NEBL: variants seen among roughly 807,000 people sequenced by gnomAD.
NEBL encodes LIM and SH3 protein 2.
A neutral mutation model predicts 140.2 loss-of-function variants in NEBL; 122 were observed. That is an observed-to-expected ratio of 0.87 (90% CI 0.75 to 1.01). NEBL has a LOEUF of 1.01. Among genes scored for constraint, NEBL ranks in the 50% least tolerant of loss-of-function variants. The pLI is 0.00. For synonymous variants in NEBL, 436 were observed against 398.9 expected (o/e 1.09, Z -1.11); for missense variants, 1,365 against 1,231.3 (o/e 1.11, Z -1.62).
chr10:20,995,667 C>A (rs569866198), intron 3 of NEBL, among the ~76,000 whole-genome samples: 10 of 152,278 alleles, frequency 6.6e-5, no homozygotes, highest in African/African-American at 2.2e-4. Flanking sequence ...TGCTAATAAA[C>A]CCTCCACATC....
At chr10:20,865,879 A>C (rs1844229080) in intron 7 of NEBL, among the ~76,000 whole-genome samples, 1 of 152,112 alleles carries the variant, frequency 6.6e-6, no homozygotes, top group South Asian at 2.1e-4. Flanking sequence ...CTTCATTTTC[A>C]TTCCTACTGT....
chr10:20,954,412 A>G (rs1564460521), intron 4 of NEBL, among the ~76,000 whole-genome samples: 1 of 152,216 alleles, frequency 6.6e-6, no homozygotes. Flanking sequence ...CATAGAGTTC[A>G]GTCTGAGGGT....
Position 20,868,735 on chromosome 10 carries a change from T to C in NEBL, c.613A>G (p.Asn205Asp). 2 of 1,611,840 alleles carry C rather than the reference T, an allele frequency of 1.2e-6. No homozygotes were observed. The highest frequency in any genetic ancestry group is 1.7e-6 in the Non-Finnish European group (2 of 1,178,086). The change falls in exon 7 of 28, where the codon AAT becomes GAT. Residue 205 changes from asparagine (N) to aspartate (D), a missense_variant. By Grantham distance (23) the Asn-to-Asp change is conservative (BLOSUM62 1). This residue lies in a region of NEBL where 1,323 missense variants were observed against 1,154.8 expected (regional missense o/e 1.15). Transcript: ENST00000377122. Reference sequence around the variant, plus strand: ...CTTCCAATTACAGCGGGCTCTTTATTCATTATTCCTTGTCCTTTCTTGTAT... The same window carrying C: ...CTTCCAATTACAGCGGGCTCTTTATCCATTATTCCTTGTCCTTTCTTGTAT... ...AEYKKGQGIM[N>D]KEPAVIGRPD...
At chr10:21,106,777 A>G (rs1375827724) in intron 2 of NEBL, among the ~76,000 whole-genome samples, 1 of 152,206 alleles carries the variant, frequency 6.6e-6, no homozygotes, top group Non-Finnish European at 1.5e-5. Context: ...TACCTTGGGC[A>G]GTATGGCCAT....
At chr10:20,856,915 A>G (rs1843136756) in intron 9 of NEBL, among the ~76,000 whole-genome samples, 1 of 151,998 alleles carries the variant, frequency 6.6e-6, no homozygotes, top group Non-Finnish European at 1.5e-5. Context: ...GCTCACAGCA[A>G]CCTCCCAAGT....
At chr10:21,110,848 A>G in intron 2 of NEBL, 1 of 615,374 alleles carries the variant, frequency 1.6e-6, no homozygotes, top group Non-Finnish European at 3.1e-6. Flanking sequence ...AGCAGAGGCA[A>G]TGAATTACAA....
intron 7 of NEBL, among the ~76,000 whole-genome samples, chr10:20,864,530 T>A (rs950832284): frequency 6.6e-6 from 1 of 152,156 alleles, no homozygotes; most frequent in African/African-American, 2.4e-5. Context: ...CACTCTCTGT[T>A]CCCATCCTTT....
intron 2 of NEBL, among the ~76,000 whole-genome samples, chr10:21,139,682 C>T (rs1389080339): frequency 6.6e-6 from 1 of 152,174 alleles, no homozygotes; most frequent in Non-Finnish European, 1.5e-5. Flanking sequence ...CACCTATTAG[C>T]ATGGTAACCT....
chr10:21,092,770 C>T (rs1420632377), intron 2 of NEBL, among the ~76,000 whole-genome samples: 5 of 152,080 alleles, frequency 3.3e-5, no homozygotes, highest in Non-Finnish European at 7.3e-5. Flanking sequence ...GGGAACTGTT[C>T]CAGGCCCCTT....
At chr10:20,975,556 CAAACA>C (rs1836757374) in intron 3 of NEBL, among the ~76,000 whole-genome samples, 1 of 152,042 alleles carries the variant, frequency 6.6e-6, no homozygotes, top group Admixed American at 6.5e-5. Flanking sequence ...TAAATAAACT[CAAACA>C]AAACTACCCT....
intron 9 of NEBL, among the ~76,000 whole-genome samples, chr10:20,857,147 T>C (rs1274089901): frequency 6.6e-6 from 1 of 152,130 alleles, no homozygotes; most frequent in African/African-American, 2.4e-5. Context: ...TTTTAAAAAC[T>C]CTGTATGAAT....
chr10:21,240,303 G>GT (rs1469992284), intron 3 of NEBL, among the ~76,000 whole-genome samples: 3 of 152,140 alleles, frequency 2.0e-5, no homozygotes, highest in African/African-American at 7.2e-5. Context: ...TTCGTTGCAT[G>GT]TAAGTATAGT....
chr10:21,245,931 G>A (rs1362794591), intron 3 of NEBL, among the ~76,000 whole-genome samples: 1 of 152,156 alleles, frequency 6.6e-6, no homozygotes, highest in Admixed American at 6.5e-5. Context: ...TCCTGACCTC[G>A]TGATCCGCCC....
intron 3 of NEBL, among the ~76,000 whole-genome samples, chr10:20,970,701 G>A (rs192166750): frequency 1.3e-4 from 20 of 152,088 alleles, no homozygotes; most frequent in African/African-American, 4.6e-4. Context: ...ATAATTACAA[G>A]GTACATATAT....
At chr10:20,886,463 A>T (rs1846529876) in intron 4 of NEBL, among the ~76,000 whole-genome samples, 1 of 152,186 alleles carries the variant, frequency 6.6e-6, no homozygotes, top group South Asian at 2.1e-4. Context: ...CGGGAGGCAG[A>T]GGTTGCAGTG....
rs527727384 is a variant in NEBL, at chr10:20,969,131, G to A, written c.250-7352C>T. On this transcript the variant is annotated intron_variant, in intron 3 of 6. Transcript: ENST00000417816. ...ATTGATTAATCTCACAATGTTAGAC[G>A]GGAATTAAACAGTCGAAAGGAAAAT... Among the ~76,000 whole-genome samples, 10 of 152,194 alleles carry A rather than the reference G, an allele frequency of 6.6e-5. No homozygotes were observed. The East Asian group carries it at 7.7e-4, about 12-fold the overall frequency.
At chr10:20,816,460 G>A (rs1564349764) in intron 21 of NEBL, among the ~76,000 whole-genome samples, 1 of 152,100 alleles carries the variant, frequency 6.6e-6, no homozygotes, top group Non-Finnish European at 1.5e-5. Context: ...TCCACTCCTT[G>A]TCTAAATAAC....
At position 20,819,425 on chromosome 10, in the gene NEBL, G is replaced by A. The variant is rs146218038; in HGVS notation, c.2054C>T (p.Ala685Val). The A allele has an allele frequency of 1.6e-4, 264 of 1,613,950 alleles. No homozygotes were observed. Among genetic ancestry groups the A allele is most frequent in the African/African-American group, 1.0e-3 (76 of 75,006 alleles). ...TAAAAGGAAACAGAAACGACTTGCC[G>A]CACTCAGCTGCTCCTGGTTTCGCCT... is the stretch of plus-strand genomic sequence containing the variant. The part of the protein sequence containing the change: ...RVRRNQEQLS[A>V]VKYKGELQRG... Residue 685 changes from alanine (A) to valine (V), a missense_variant and splice_region_variant, in exon 20 of 28, where the codon GCG becomes GTG. Around this residue, in one of 2 missense-constraint regions of NEBL, gnomAD observed 1,323 missense variants for 1,154.8 expected, o/e 1.15. Coordinates refer to ENST00000377122, the MANE Select transcript of NEBL (RefSeq NM_006393.3).
intron 21 of NEBL, among the ~76,000 whole-genome samples, chr10:20,816,996 C>G (rs1838783827): frequency 6.6e-6 from 1 of 152,064 alleles, no homozygotes; most frequent in Non-Finnish European, 1.5e-5. Context: ...TTTGTAGGGC[C>G]AGGATGCCAG....
Sources: gnomAD v4.1 joint callset for allele counts (sites outside exome capture counted in the v4.1 genomes callset) on GRCh38, gnomAD v4.1.1 for gene constraint, gnomAD v4.1.1 regional missense constraint, MANE v1.5 for transcripts, NCBI Gene and HGNC (gene_info 2026-07-23, HGNC 2026-07-21) for gene names.